Variants in EML1 observed in about 807,000 individuals in gnomAD.
EML1 encodes EMAP like 1, also known as echinoderm microtubule-associated protein-like 1.
A neutral mutation model predicts 110.4 loss-of-function variants in EML1; 27 were observed. That is an observed-to-expected ratio of 0.24 (90% CI 0.18 to 0.34). The LOEUF (loss-of-function observed/expected upper bound fraction) is 0.34, where lower values mean the gene tolerates loss of function less well. EML1 is among the 10% of genes least tolerant of loss of function. The pLI, the probability that EML1 is intolerant of heterozygous loss-of-function variation, is 1.00. For missense variants in EML1, 741 were observed against 1,030.9 expected (o/e 0.72, Z 3.85); for synonymous variants, 344 against 385.8 (o/e 0.89, Z 1.27).
chr14:99,837,633 A>G (rs575931868), intron 1 of EML1, among the ~76,000 whole-genome samples: 32 of 152,214 alleles, frequency 2.1e-4, no homozygotes, highest in Non-Finnish European at 4.3e-4. Flanking sequence ...AAGTTCTACC[A>G]TAAAAACCTA....
At chr14:99,928,550 T>G (rs1029316204) in intron 17 of EML1, among the ~76,000 whole-genome samples, 2 of 152,136 alleles carry the variant, frequency 1.3e-5, no homozygotes, top group Non-Finnish European at 2.9e-5. Flanking sequence ...TTTCATTATA[T>G]GATTATGTTG....
chr14:99,879,298 T>G (rs1271032257), intron 4 of EML1, among the ~76,000 whole-genome samples: 1 of 152,222 alleles, frequency 6.6e-6, no homozygotes, highest in Non-Finnish European at 1.5e-5. Context: ...TAATGTACTT[T>G]GTAAAGAAAA....
intron 1 of EML1, among the ~76,000 whole-genome samples, chr14:99,847,707 T>C (rs756813139): frequency 6.6e-6 from 1 of 152,246 alleles, no homozygotes; most frequent in African/African-American, 2.4e-5. Flanking sequence ...TAGGCACATA[T>C]GATTGCAGTG....
chr14:99,839,964 G>A (rs2058607083), intron 1 of EML1, among the ~76,000 whole-genome samples: 1 of 152,212 alleles, frequency 6.6e-6, no homozygotes, highest in Non-Finnish European at 1.5e-5. Flanking sequence ...GAATCTGACA[G>A]CAAGGCCGAA....
intron 1 of EML1, among the ~76,000 whole-genome samples, chr14:99,813,874 C>T (rs2058122517): frequency 1.3e-5 from 2 of 152,050 alleles, no homozygotes; most frequent in South Asian, 2.1e-4. Flanking sequence ...CTCCAGAAAA[C>T]CTGACCCAAG....
chr14:99,859,916 A>G (rs145175285), intron 2 of EML1, among the ~76,000 whole-genome samples: 165 of 152,302 alleles, frequency 1.1e-3, no homozygotes, highest in African/African-American at 3.9e-3. Context: ...TACCACTTCT[A>G]GGGTGTCTAC....
At chr14:99,917,928 G>A in intron 16 of EML1, 79 bp downstream of exon 16, 2 of 1,438,710 alleles carry the variant, frequency 1.4e-6, no homozygotes, top group Non-Finnish European at 1.9e-6. Context: ...CCAGGAACAG[G>A]CCCCCGTTCA....
chr14:99,839,432 C>T, intron 1 of EML1, among the ~76,000 whole-genome samples: 1 of 152,186 alleles, frequency 6.6e-6, no homozygotes, highest in African/African-American at 2.4e-5. Flanking sequence ...GGCACTAGGT[C>T]TGCCCCAGAA....
At chr14:99,875,055 C>A in intron 3 of EML1, 2 of 1,496,712 alleles carry the variant, frequency 1.3e-6, no homozygotes, top group Non-Finnish European at 9.3e-7. Context: ...TCTGTTTTAA[C>A]GTAGTAGCTT....
chr14:99,859,263 C>G (rs191300248), intron 2 of EML1, among the ~76,000 whole-genome samples: 113 of 152,308 alleles, frequency 7.4e-4, no homozygotes, highest in East Asian at 5.4e-3. Context: ...TGCAGGGAAT[C>G]TAACTCAAGG....
chr14:99,830,289 C>A (rs2058427709), intron 1 of EML1, among the ~76,000 whole-genome samples: 1 of 151,996 alleles, frequency 6.6e-6, no homozygotes, highest in Non-Finnish European at 1.5e-5. Flanking sequence ...ATTTGTATAT[C>A]TTCTTAGAGA....
At chr14:99,805,768 A>G (rs2057960889) in intron 1 of EML1, among the ~76,000 whole-genome samples, 1 of 151,960 alleles carries the variant, frequency 6.6e-6, no homozygotes. Context: ...GAGCCACTAC[A>G]CCCAGCCCTA....
upstream of EML1, chr14:99,792,628 G>C (rs1309853574): frequency 6.6e-6 from 1 of 152,218 alleles, no homozygotes; most frequent in Non-Finnish European, 1.5e-5. Context: ...AAGTTAACAA[G>C]CCTGTAACGT....
At chr14:99,833,438 T>G (rs1031514151) in intron 1 of EML1, among the ~76,000 whole-genome samples, 1 of 152,226 alleles carries the variant, frequency 6.6e-6, no homozygotes, top group Non-Finnish European at 1.5e-5. Context: ...AGCTTTGCTC[T>G]TTTTCAAAGT....
intron 4 of EML1, among the ~76,000 whole-genome samples, chr14:99,889,774 C>T (rs1373919992): frequency 6.6e-6 from 1 of 152,140 alleles, no homozygotes; most frequent in Non-Finnish European, 1.5e-5. Context: ...TGGATAGGGC[C>T]TTGTAGGCCA....
At chr14:99,818,005 G>A (rs570896433) in intron 1 of EML1, among the ~76,000 whole-genome samples, 1 of 152,236 alleles carries the variant, frequency 6.6e-6, no homozygotes, top group African/African-American at 2.4e-5. Flanking sequence ...GATGGGGGAG[G>A]TGTTCCATGA....
Position 99,936,444 on chromosome 14 carries a change from A to G in EML1, c.2095+110A>G, listed in dbSNP as rs2060473096. ...CTCCTGTATGACTTAGGCACGTGCC[A>G]TCATCTCTAGGTCATGGTTTCCGCC... On this transcript the variant is annotated intron_variant, in intron 19 of 21. Coordinates refer to ENST00000262233, the MANE Select transcript of EML1 (RefSeq NM_004434.3). This position sits in a 1 kb window ranked among gnomAD's most constrained non-coding sequence, Gnocchi z 5.5. The G allele has an allele frequency of 3.1e-6, 3 of 978,548 alleles. No homozygotes were observed. The highest frequency in any genetic ancestry group is 2.6e-5 in the East Asian group (1 of 38,908). The allele number at this position is 978,548 out of a possible 1,614,324, so 60.6% of individuals were successfully genotyped here.
Position 99,802,393 on chromosome 14 carries a change from G to C in EML1, c.67+8850G>C, listed in dbSNP as rs547962592. 1.9e-3 allele frequency among the ~76,000 whole-genome samples: 294 copies of C among 152,212 alleles called. 1 individual carries two copies. The highest frequency in any genetic ancestry group is 3.3e-3 in the Non-Finnish European group (223 of 68,002). Reference sequence around the variant, plus strand: ...TTTAAAAGATCACTCTGCTTCCAGGGGGAGGGCAGGTGGGAAGGGCAGTCC... The same window carrying C: ...TTTAAAAGATCACTCTGCTTCCAGGCGGAGGGCAGGTGGGAAGGGCAGTCC... On this transcript the variant is annotated intron_variant, in intron 1 of 21. Transcript: ENST00000262233.
intron 2 of EML1, among the ~76,000 whole-genome samples, chr14:99,857,576 C>G (rs1176524452): frequency 6.6e-6 from 1 of 152,190 alleles, no homozygotes; most frequent in Non-Finnish European, 1.5e-5. Context: ...GCGGTCATTT[C>G]CAGTTGCTCC....
Sources: gnomAD v4.1 joint callset for allele counts (sites outside exome capture counted in the v4.1 genomes callset) on GRCh38, gnomAD v4.1.1 for gene constraint, Gnocchi (gnomAD v3.1) non-coding constraint, MANE v1.5 for transcripts, NCBI Gene and HGNC (gene_info 2026-07-23, HGNC 2026-07-21) for gene names.